Variants in SH3BGRL observed in about 807,000 individuals in gnomAD.
SH3BGRL encodes SH3 domain binding glutamate rich protein like.
Under a neutral mutation model 9.8 loss-of-function variants are expected in SH3BGRL, and 7 were observed. That is an observed-to-expected ratio of 0.72 (90% CI 0.41 to 1.35). The LOEUF (loss-of-function observed/expected upper bound fraction) is 1.35, where lower values mean the gene tolerates loss of function less well. SH3BGRL is among the 40% of genes most tolerant of loss of function. SH3BGRL has a pLI of 0.01. For missense variants in SH3BGRL, 73 were observed against 84.4 expected (o/e 0.86, Z 0.53); for synonymous variants, 36 against 29.1 (o/e 1.24, Z -0.76).
rs2075628099 is a variant in SH3BGRL, at chrX:81,229,951, C to T, written c.45+27706C>T. On this transcript the variant is annotated intron_variant, in intron 1 of 3. Coordinates refer to ENST00000373212, the MANE Select transcript of SH3BGRL (RefSeq NM_003022.3). Reference sequence around the variant, plus strand: ...TTTCCTTCCCAGCGCTTCCATGCTCCTCTTCTGTATCAATTCTAGGCATAT... The same window carrying T: ...TTTCCTTCCCAGCGCTTCCATGCTCTTCTTCTGTATCAATTCTAGGCATAT... Among the ~76,000 whole-genome samples the T allele has an allele frequency of 2.7e-5, 3 of 111,810 alleles. No individual in the cohort carries two copies. The Admixed American group carries it at 2.8e-4, about 11-fold the overall frequency.
At chrX:81,268,625 T>C (rs1163074664) in intron 1 of SH3BGRL, among the ~76,000 whole-genome samples, 1 of 111,614 alleles carries the variant, frequency 9.0e-6, no homozygotes, top group African/African-American at 3.3e-5. Context: ...CTGAGGAGTG[T>C]TTTACTTCTA....
intron 3 of SH3BGRL, among the ~76,000 whole-genome samples, chrX:81,282,042 G>T (rs778808326): frequency 8.0e-5 from 9 of 111,917 alleles, no homozygotes; most frequent in Non-Finnish European, 1.3e-4. Context: ...TCTTATAACA[G>T]ACAAAACAAA....
chrX:81,280,835 T>C (rs776241374), intron 3 of SH3BGRL, among the ~76,000 whole-genome samples: 4 of 111,145 alleles, frequency 3.6e-5, no homozygotes, highest in African/African-American at 6.5e-5. Flanking sequence ...CTGATTTACC[T>C]GAAAAAGAAT....
At chrX:81,296,453 C>A (rs1333500851) in intron 3 of SH3BGRL, among the ~76,000 whole-genome samples, 1 of 111,414 alleles carries the variant, frequency 9.0e-6, no homozygotes, top group Non-Finnish European at 1.9e-5. Flanking sequence ...AATCTAGTGT[C>A]TCTTTTAGCT....
intron 3 of SH3BGRL, among the ~76,000 whole-genome samples, chrX:81,280,114 G>T (rs189557898): frequency 9.1e-5 from 10 of 110,485 alleles, no homozygotes; most frequent in Non-Finnish European, 1.3e-4. Context: ...GCCATCCTAG[G>T]TATAGAACTC....
At chrX:81,275,485 A>T (rs770100781) in intron 1 of SH3BGRL, among the ~76,000 whole-genome samples, 2 of 111,936 alleles carry the variant, frequency 1.8e-5, no homozygotes, top group Non-Finnish European at 3.8e-5. Flanking sequence ...GACACAATTG[A>T]CATTGACTGA....
rs779706337 is a variant in SH3BGRL, at chrX:81,220,527, TAA to T, written c.45+18283_45+18284del. Among the ~76,000 whole-genome samples, 20 of 111,111 alleles carry T rather than the reference TAA, an allele frequency of 1.8e-4. No individual in the cohort carries two copies. In the South Asian group the frequency reaches 6.4e-3, roughly 35 times the overall value. ...TCTCTCTGTTTTCTTATTCTGAGCT[TAA>T]GTTTGTCCATTCTTTACATCTTTTC... is the stretch of plus-strand genomic sequence containing the variant. On this transcript the variant is annotated intron_variant, in intron 1 of 3. Transcript: ENST00000373212.
chrX:81,234,861 A>G (rs1310208657), intron 1 of SH3BGRL, among the ~76,000 whole-genome samples: 1 of 111,870 alleles, frequency 8.9e-6, no homozygotes. Context: ...GACTAATGCC[A>G]GTAGTTATTG....
At chrX:81,263,924 G>A (rs1264054986) in intron 1 of SH3BGRL, among the ~76,000 whole-genome samples, 1 of 109,243 alleles carries the variant, frequency 9.2e-6, no homozygotes, top group Admixed American at 9.8e-5. Context: ...TTGACAAAGC[G>A]GAGGCATGTG....
At chrX:81,241,126 G>T (rs762113136) in intron 1 of SH3BGRL, among the ~76,000 whole-genome samples, 2 of 112,639 alleles carry the variant, frequency 1.8e-5, no homozygotes, top group Admixed American at 9.3e-5. Context: ...CCTTGTCTGG[G>T]TGTTGTAGCA....
intron 1 of SH3BGRL, among the ~76,000 whole-genome samples, chrX:81,221,879 C>A (rs973786587): frequency 1.8e-5 from 2 of 111,982 alleles, no homozygotes; most frequent in Non-Finnish European, 3.8e-5. Flanking sequence ...TAGAAATTGA[C>A]TTTTAGTCTG....
chrX:81,297,719 G>A lies in SH3BGRL; in HGVS notation c.*492G>A, dbSNP rs1456254221. The A allele has an allele frequency of 8.9e-6, 1 of 111,958 alleles. No individual in the cohort carries two copies. Among genetic ancestry groups the A allele is most frequent in the Admixed American group, 9.5e-5 (1 of 10,522 alleles). The allele number at this position is 111,958 out of a possible 1,213,427, so 9.2% of individuals were successfully genotyped here. The stretch of plus-strand genomic sequence containing the variant: ...AGGTAATGTTTATGATATGTTAAAC[G>A]TTGTAATTTCCTATCGTAATTATAA... On this transcript the variant is annotated 3_prime_UTR_variant, in exon 4 of 4. Transcript: ENST00000373212.
At chrX:81,208,956 T>C (rs137962354) in intron 1 of SH3BGRL, among the ~76,000 whole-genome samples, 2,723 of 109,903 alleles carry the variant, frequency 0.025, 95 homozygotes, top group African/African-American at 0.087. Flanking sequence ...TGTTCAATGA[T>C]GCTAGGTTTT....
At chrX:81,261,075 G>A (rs2075739904) in intron 1 of SH3BGRL, among the ~76,000 whole-genome samples, 1 of 111,092 alleles carries the variant, frequency 9.0e-6, no homozygotes, top group Non-Finnish European at 1.9e-5. Context: ...AAAGATTGTC[G>A]ACCTTCTATA....
chrX:81,275,480 A>T (rs781713981), intron 1 of SH3BGRL, among the ~76,000 whole-genome samples: 1 of 111,836 alleles, frequency 8.9e-6, no homozygotes, highest in Non-Finnish European at 1.9e-5. Context: ...TACTTGACAC[A>T]ATTGACATTG....
At chrX:81,247,974 A>C (rs771656319) in intron 1 of SH3BGRL, among the ~76,000 whole-genome samples, 1 of 107,873 alleles carries the variant, frequency 9.3e-6, no homozygotes, top group East Asian at 2.9e-4. Context: ...TTACTGCTTC[A>C]ATTTTGGAAC....
intron 1 of SH3BGRL, among the ~76,000 whole-genome samples, chrX:81,269,701 T>C (rs750433853): frequency 9.0e-6 from 1 of 110,572 alleles, no homozygotes; most frequent in Admixed American, 9.6e-5. Context: ...TGTCTTGGAG[T>C]TGCTCTTCTT....
intron 1 of SH3BGRL, among the ~76,000 whole-genome samples, chrX:81,270,295 G>A (rs918211511): frequency 9.0e-6 from 1 of 111,181 alleles, no homozygotes; most frequent in African/African-American, 3.3e-5. Context: ...TGTAGAAGAG[G>A]CGTTCTGGTT....
chrX:81,276,349 T>C (rs2075798383), intron 1 of SH3BGRL, among the ~76,000 whole-genome samples: 1 of 109,048 alleles, frequency 9.2e-6, no homozygotes, highest in Admixed American at 9.7e-5. Flanking sequence ...CTGCAATTAC[T>C]TTTGCACCAA....
Sources: gnomAD v4.1 joint callset for allele counts (sites outside exome capture counted in the v4.1 genomes callset) on GRCh38, gnomAD v4.1.1 for gene constraint, MANE v1.5 for transcripts, NCBI Gene and HGNC (gene_info 2026-07-23, HGNC 2026-07-21) for gene names.